CMC1: variants seen among roughly 807,000 people sequenced by gnomAD.
The protein encoded by CMC1 is C-X9-C motif containing 1.
Under a neutral mutation model 14.1 loss-of-function variants are expected in CMC1, and 14 were observed. That is an observed-to-expected ratio of 0.99 (90% CI 0.66 to 1.55). The LOEUF is 1.55. Among genes scored for constraint, CMC1 ranks in the 40% most tolerant of loss-of-function variants. The probability of loss-of-function intolerance (pLI) is 0.00; values close to 1 mark genes in which losing one functional copy is unlikely to be tolerated. For synonymous variants in CMC1, 50 were observed against 38.4 expected (o/e 1.30, Z -1.12); for missense variants, 127 against 123.8 (o/e 1.03, Z -0.12).
intron 2 of CMC1, among the ~76,000 whole-genome samples, chr3:28,304,346 C>A (rs1702202176): frequency 6.6e-6 from 1 of 151,170 alleles, no homozygotes; most frequent in Non-Finnish European, 1.5e-5. Flanking sequence ...GAATAATAGT[C>A]CCCAAAGATG....
chr3:28,244,435 AAGGG>A (rs1344350135), intron 1 of CMC1, among the ~76,000 whole-genome samples: 1 of 152,092 alleles, frequency 6.6e-6, no homozygotes, highest in Non-Finnish European at 1.5e-5. Flanking sequence ...TGGTGAGAGA[AAGGG>A]AGGAAACAGT....
rs1193047362 is a variant in CMC1, at chr3:28,298,834, G to GT, written c.110-17491dup. 2.7e-4 allele frequency among the ~76,000 whole-genome samples: 41 copies of GT among 151,660 alleles called. No individual in the cohort carries two copies. The South Asian group carries it at 6.6e-3, about 25-fold the overall frequency. On this transcript the variant is annotated intron_variant, in intron 2 of 3. Coordinates refer to ENST00000466830, the MANE Select transcript of CMC1 (RefSeq NM_182523.2). ...CAACAAAGATGGGTCAGTATGTTCTGTTTTTTTTCTGGGAAAGTCTGTAGA... is the reference window on the plus strand; with the variant it reads ...CAACAAAGATGGGTCAGTATGTTCTGTTTTTTTTTCTGGGAAAGTCTGTAGA...
chr3:28,316,739 A>ATTCTG (rs1314836518), intron 3 of CMC1: 4 of 173,406 alleles, frequency 2.3e-5, no homozygotes, highest in Non-Finnish European at 4.9e-5. Flanking sequence ...ATTTTTGTTT[A>ATTCTG]TTCTGTTGTA....
chr3:28,271,269 T>C (rs1199765734), intron 2 of CMC1, among the ~76,000 whole-genome samples: 1 of 152,078 alleles, frequency 6.6e-6, no homozygotes, highest in Admixed American at 6.5e-5. Context: ...CCTGGCTAAT[T>C]TTTATGTTTT....
At chr3:28,246,055 G>A (rs541907963) in intron 1 of CMC1, among the ~76,000 whole-genome samples, 1 of 151,722 alleles carries the variant, frequency 6.6e-6, no homozygotes, top group South Asian at 2.1e-4. Flanking sequence ...TGCCCACCTC[G>A]GCCTCCCAAA....
rs61323375 is a variant in CMC1, at chr3:28,258,614, ATTTTTTTTTT to A, written c.20-4663_20-4654del. 6.1e-5 allele frequency among the ~76,000 whole-genome samples: 6 copies of A among 99,134 alleles called. No homozygotes were observed. In the East Asian group the frequency reaches 1.7e-3, roughly 28 times the overall value. 65.0% of individuals were successfully genotyped at this position (99,134 alleles called of 152,430 possible). A position where few individuals can be genotyped will look rare whatever the true frequency, so the allele number is the denominator to read the frequency against. On this transcript the variant is annotated intron_variant, in intron 1 of 3. Coordinates refer to ENST00000466830, the MANE Select transcript of CMC1 (RefSeq NM_182523.2). The stretch of plus-strand genomic sequence containing the variant: ...CGTATATACATGGAAGTATTTCTGG[ATTTTTTTTTT>A]TTTTTTTTTTTTTGAGATGGAATCT...
chr3:28,323,605 A>G lies in CMC1; in HGVS notation c.*3976A>G, dbSNP rs1026709416. On this transcript the variant is annotated 3_prime_UTR_variant, in exon 4 of 4. Coordinates refer to ENST00000466830, the MANE Select transcript of CMC1 (RefSeq NM_182523.2). ...ATCTTTACGCATTATAACAACAGAA[A>G]TGTAACCTACTCACATTGCCATTTG... The G allele has an allele frequency of 6.5e-6, 1 of 153,154 alleles. No homozygotes were observed. Among genetic ancestry groups the G allele is most frequent in the East Asian group, 1.9e-4 (1 of 5,202 alleles). The allele number at this position is 153,154 out of a possible 1,614,324, so 9.5% of individuals were successfully genotyped here.
Position 28,241,766 on chromosome 3 carries a change from G to T in CMC1, c.-28G>T. 8.1e-7 allele frequency: 1 copy of T among 1,241,772 alleles called. No individual in the cohort carries two copies. Among genetic ancestry groups the T allele is most frequent in the Non-Finnish European group, 1.0e-6 (1 of 988,110 alleles). The allele number at this position is 1,241,772 out of a possible 1,614,324, so 76.9% of individuals were successfully genotyped here. A position where few individuals can be genotyped will look rare whatever the true frequency, so the allele number is the denominator to read the frequency against. On this transcript the variant is annotated 5_prime_UTR_variant, in exon 1 of 4. Transcript: ENST00000466830. ...TTCCTGCGTGCCCCGGAGCCGCCAA[G>T]CGGCTACGTTCTTCTCGGCCCGCCG...
intron 2 of CMC1, among the ~76,000 whole-genome samples, chr3:28,287,387 G>T (rs941391678): frequency 6.6e-6 from 1 of 152,066 alleles, no homozygotes; most frequent in Non-Finnish European, 1.5e-5. Flanking sequence ...CATAATTTAT[G>T]TTGGAATCTT....
intron 1 of CMC1, among the ~76,000 whole-genome samples, chr3:28,261,931 C>T (rs1397932334): frequency 6.6e-6 from 1 of 152,166 alleles, no homozygotes; most frequent in East Asian, 1.9e-4. Flanking sequence ...TGGACCCCCA[C>T]AGTTCAAACC....
intron 2 of CMC1, among the ~76,000 whole-genome samples, chr3:28,290,698 T>G (rs912136322): frequency 6.6e-6 from 1 of 152,174 alleles, no homozygotes; most frequent in Non-Finnish European, 1.5e-5. Context: ...TGAAAATGTT[T>G]TTTGTTTCCT....
chr3:28,290,597 G>T (rs1701422391), intron 2 of CMC1, among the ~76,000 whole-genome samples: 2 of 151,918 alleles, frequency 1.3e-5, no homozygotes, highest in African/African-American at 2.4e-5. Flanking sequence ...GCTTAACTGT[G>T]ATATATCTTG....
At chr3:28,268,645 T>C (rs950072452) in intron 2 of CMC1, among the ~76,000 whole-genome samples, 1 of 152,238 alleles carries the variant, frequency 6.6e-6, no homozygotes, top group Non-Finnish European at 1.5e-5. Flanking sequence ...AGTTCTCCGA[T>C]GCCACCTAAG....
intron 2 of CMC1, among the ~76,000 whole-genome samples, chr3:28,299,274 T>C (rs1460272268): frequency 6.6e-6 from 1 of 152,118 alleles, no homozygotes; most frequent in Non-Finnish European, 1.5e-5. Context: ...TTTTATTTTC[T>C]ATTGTAATTT....
chr3:28,318,656 T>C (rs1434394107), intron 3 of CMC1: 1 of 152,480 alleles, frequency 6.6e-6, no homozygotes, highest in African/African-American at 2.4e-5. Flanking sequence ...CAGTCTTGTC[T>C]CCTAACTCTA....
intron 1 of CMC1, among the ~76,000 whole-genome samples, chr3:28,261,786 A>G (rs1659679083): frequency 6.6e-6 from 1 of 152,066 alleles, no homozygotes; most frequent in African/African-American, 2.4e-5. Context: ...GTGCATTCTC[A>G]AGTCCCACCA....
intron 2 of CMC1, among the ~76,000 whole-genome samples, chr3:28,315,448 T>A (rs975444368): frequency 1.3e-5 from 2 of 152,162 alleles, no homozygotes; most frequent in Admixed American, 6.5e-5. Context: ...GGTCCTGTTA[T>A]TAGAAGTTAA....
chr3:28,322,719 A>G lies in CMC1; in HGVS notation c.*3090A>G, dbSNP rs369361773. 1.3e-5 allele frequency: 2 copies of G among 151,714 alleles called. No homozygotes were observed. Among genetic ancestry groups the G allele is most frequent in the East Asian group, 1.9e-4 (1 of 5,140 alleles). The allele number at this position is 151,714 out of a possible 1,614,324, so 9.4% of individuals were successfully genotyped here. The stretch of plus-strand genomic sequence containing the variant: ...GAATAAATTCCAGCATCTGACACCA[A>G]TTCCATTAATCACAGACAAGCTTGA... On this transcript the variant is annotated 3_prime_UTR_variant, in exon 4 of 4. Coordinates refer to ENST00000466830, the MANE Select transcript of CMC1 (RefSeq NM_182523.2).
At chr3:28,271,817 C>T (rs190673447) in intron 2 of CMC1, among the ~76,000 whole-genome samples, 1 of 152,154 alleles carries the variant, frequency 6.6e-6, no homozygotes, top group Non-Finnish European at 1.5e-5. Flanking sequence ...TTACTTTGGG[C>T]AGTATGGCCA....
Sources: allele counts gnomAD v4.1 joint callset (sites outside exome capture counted in the v4.1 genomes callset), GRCh38; gene constraint gnomAD v4.1.1; transcripts MANE v1.5; gene names NCBI Gene and HGNC (gene_info 2026-07-23, HGNC 2026-07-21).